The following GLI2 variants were observed in gnomAD, a reference collection of about 807,000 sequenced individuals.
GLI2 encodes the protein GLI family zinc finger 2.
GLI2 carries 22 observed loss-of-function variants against 78.9 expected under a neutral mutation model. The observed-to-expected ratio is 0.28, with a 90% confidence interval of 0.20 to 0.40. The LOEUF (loss-of-function observed/expected upper bound fraction) is 0.40. Ranked by LOEUF, GLI2 falls within the 10% of genes least tolerant of loss-of-function variation. The pLI, the probability that GLI2 is intolerant of heterozygous loss-of-function variation, is 1.00. For missense variants in GLI2, 2,097 were observed against 2,213.2 expected (o/e 0.95, Z 1.05); for synonymous variants, 974 against 963.7 (o/e 1.01, Z -0.20).
chr2:120,984,353 A>T (rs1230801719), intron 11 of GLI2, 118 bp from the exon 12 acceptor site: 4 of 1,036,658 alleles, frequency 3.9e-6, no homozygotes, highest in Non-Finnish European at 4.6e-6. Flanking sequence ...GCACCTACTG[A>T]CGTTGCCAGC....
chr2:120,939,757 C>T (rs947798575), intron 3 of GLI2, among the ~76,000 whole-genome samples: 6 of 152,128 alleles, frequency 3.9e-5, no homozygotes, highest in Non-Finnish European at 7.3e-5. Flanking sequence ...GCCCCAAGTG[C>T]GGGGTTATTT....
At chr2:120,918,772 G>T (rs540357079) in intron 2 of GLI2, among the ~76,000 whole-genome samples, 18 of 152,176 alleles carry the variant, frequency 1.2e-4, no homozygotes, top group Non-Finnish European at 2.5e-4. Flanking sequence ...CAGTTGGGTT[G>T]ATGTCATTCC....
rs752220206 is a variant in GLI2, at chr2:120,989,988, G to C, written c.4023G>C (p.Pro1341=). Residue 1341 remains proline, a synonymous_variant, in exon 14 of 14, where the codon CCG becomes CCC. Transcript: ENST00000361492. The part of the protein sequence containing the change: ...QPGFMEPQTG[P]MGVATAGFGL... ...GCTTCATGGAGCCCCAAACAGGCCC[G>C]ATGGGGGTGGCTACAGCAGGCTTTG... The C allele has an allele frequency of 2.5e-6, 4 of 1,610,108 alleles. No individual in the cohort carries two copies. The highest frequency in any genetic ancestry group is 3.4e-6 in the Non-Finnish European group (4 of 1,178,546).
At chr2:120,838,949 G>A (rs1330589452) in intron 2 of GLI2, among the ~76,000 whole-genome samples, 1 of 152,200 alleles carries the variant, frequency 6.6e-6, no homozygotes, top group African/African-American at 2.4e-5. Flanking sequence ...CTGTCATTAA[G>A]TGGTGCAGGA....
intron 3 of GLI2, among the ~76,000 whole-genome samples, chr2:120,939,281 G>GA (rs987242287): frequency 4.1e-4 from 59 of 143,324 alleles, no homozygotes; most frequent in East Asian, 1.2e-3. Context: ...CTCCATCTCA[G>GA]AAAAAAAAAA....
chr2:120,891,050 G>C (rs1677656287), intron 2 of GLI2, among the ~76,000 whole-genome samples: 4 of 152,190 alleles, frequency 2.6e-5, no homozygotes, highest in Admixed American at 2.6e-4. Context: ...ATTTCTTGAG[G>C]ACCCACTGGG....
chr2:120,851,336 G>C (rs1687396849), intron 2 of GLI2, among the ~76,000 whole-genome samples: 1 of 152,180 alleles, frequency 6.6e-6, no homozygotes, highest in Non-Finnish European at 1.5e-5. Context: ...TCTCAAGTGA[G>C]GAGTTTTCAG....
At chr2:120,957,396 G>A (rs141819096) in intron 5 of GLI2, among the ~76,000 whole-genome samples, 3 of 152,204 alleles carry the variant, frequency 2.0e-5, no homozygotes, top group Non-Finnish European at 4.4e-5. Context: ...AGCCCTACAC[G>A]GTGCTCCCAC....
intron 2 of GLI2, among the ~76,000 whole-genome samples, chr2:120,855,334 G>A (rs1316744625): frequency 1.3e-5 from 2 of 152,166 alleles, no homozygotes; most frequent in African/African-American, 2.4e-5. Context: ...CAAAGCCAGT[G>A]AGCGAGCCAC....
intron 3 of GLI2, among the ~76,000 whole-genome samples, chr2:120,942,468 C>T (rs1680494022): frequency 6.6e-6 from 1 of 152,218 alleles, no homozygotes; most frequent in Non-Finnish European, 1.5e-5. Flanking sequence ...TGTCTAAAGA[C>T]CCCATGATGG....
At chr2:120,750,577 T>C (rs1201140826) in intron 1 of GLI2, among the ~76,000 whole-genome samples, 1 of 152,224 alleles carries the variant, frequency 6.6e-6, no homozygotes. Flanking sequence ...ACACAGTACA[T>C]CTTGGTTGTT....
At chr2:120,946,165 A>G (rs974759401) in intron 3 of GLI2, among the ~76,000 whole-genome samples, 1 of 152,092 alleles carries the variant, frequency 6.6e-6, no homozygotes, top group African/African-American at 2.4e-5. Flanking sequence ...AGCCCTTATC[A>G]TACTGCCTGG....
intron 1 of GLI2, among the ~76,000 whole-genome samples, chr2:120,793,272 A>G (rs978006799): frequency 1.1e-4 from 16 of 152,330 alleles, no homozygotes; most frequent in African/African-American, 3.8e-4. Flanking sequence ...TTGTTTGGAC[A>G]GCGGCAGAGC....
chr2:120,897,843 G>A (rs776189), intron 2 of GLI2, among the ~76,000 whole-genome samples: 19,139 of 152,026 alleles, frequency 0.13, 2,065 homozygotes, highest in African/African-American at 0.29. Flanking sequence ...CACCTCTTTA[G>A]GGTGCTAACA....
intron 2 of GLI2, among the ~76,000 whole-genome samples, chr2:120,863,369 T>C (rs951395752): frequency 6.6e-6 from 1 of 152,146 alleles, no homozygotes; most frequent in African/African-American, 2.4e-5. Flanking sequence ...CTGACCGCGG[T>C]CTCCACCCCA....
At chr2:120,740,860 G>C (rs1379697288) in intron 1 of GLI2, among the ~76,000 whole-genome samples, 1 of 152,158 alleles carries the variant, frequency 6.6e-6, no homozygotes, top group Non-Finnish European at 1.5e-5. Context: ...CCTGCAGGCA[G>C]CTAGAGGGAG....
chr2:120,988,505 G>T lies in GLI2; in HGVS notation c.2540G>T (p.Arg847Leu). Reference protein sequence around the residue: ...SYDPISTDASRRSSEASQCSG... With the variant: ...SYDPISTDASLRSSEASQCSG... ...GACCCCATCTCCACGGACGCGTCGCGGCGCTCGAGCGAGGCCAGCCAGTGC... is the reference window on the plus strand; with the variant it reads ...GACCCCATCTCCACGGACGCGTCGCTGCGCTCGAGCGAGGCCAGCCAGTGC... The change falls in exon 14 of 14, where the codon CGG becomes CTG. Residue 847 changes from arginine to leucine, a missense_variant. Arg to Leu is a moderately radical substitution (Grantham distance 102). Transcript: ENST00000361492. 1 of 1,529,902 alleles carries T rather than the reference G, an allele frequency of 6.5e-7. No homozygotes were observed. The highest frequency in any genetic ancestry group is 8.7e-7 in the Non-Finnish European group (1 of 1,147,464). The allele number at this position is 1,529,902 out of a possible 1,614,324, so 94.8% of individuals were successfully genotyped here.
intron 1 of GLI2, among the ~76,000 whole-genome samples, chr2:120,779,839 C>CT (rs1286150838): frequency 1.3e-5 from 2 of 152,230 alleles, no homozygotes; most frequent in African/African-American, 4.8e-5. Context: ...GACTGGCAGC[C>CT]TCGGGCTCTG....
chr2:120,799,569 G>A (rs969886728), intron 2 of GLI2, among the ~76,000 whole-genome samples: 2 of 152,216 alleles, frequency 1.3e-5, no homozygotes, highest in African/African-American at 2.4e-5. Flanking sequence ...GACATCGTGG[G>A]CCAAGTCTCC....
Sources: gnomAD v4.1 joint callset for allele counts (sites outside exome capture counted in the v4.1 genomes callset) on GRCh38, gnomAD v4.1.1 for gene constraint, MANE v1.5 for transcripts, NCBI Gene and HGNC (gene_info 2026-07-23, HGNC 2026-07-21) for gene names.